PLA2G4D: variants seen among roughly 807,000 people sequenced by gnomAD.
PLA2G4D encodes the protein cytosolic phospholipase A2 delta.
Under a neutral mutation model 94.4 loss-of-function variants are expected in PLA2G4D, and 80 were observed. The ratio of observed to expected loss-of-function variants is 0.85; its 90% CI spans 0.71 to 1.02. The LOEUF is 1.02. Ranked by LOEUF, PLA2G4D falls within the 50% of genes least tolerant of loss-of-function variation. PLA2G4D has a pLI of 0.00. For missense variants in PLA2G4D, 1,050 were observed against 1,034.7 expected (o/e 1.01, Z -0.20); for synonymous variants, 438 against 440.9 (o/e 0.99, Z 0.08).
chr15:42,071,202 G>A lies in PLA2G4D; in HGVS notation c.1797C>T (p.His599=). 6.2e-7 allele frequency: 1 copy of A among 1,613,452 alleles called. No individual in the cohort carries two copies. Residue 599 remains histidine (H), a synonymous_variant, in exon 17 of 20, where the codon CAC becomes CAT. Coordinates refer to ENST00000290472, the MANE Select transcript of PLA2G4D (RefSeq NM_178034.4). ...FKGFLTGRPL[H]QRSPNFLQGL... ...CCTGGAGGAAGTTGGGGCTGCGCTG[G>A]TGGAGGGGCCTGCCTGTCAGGAAGC... is the stretch of plus-strand genomic sequence containing the variant.
chr15:42,086,194 T>TGGGGGGGGGGGGGGGGGGGGGGGGG lies in PLA2G4D; in HGVS notation c.387+18_387+19insCCCCCCCCCCCCCCCCCCCCCCCCC. 1 of 1,370,444 alleles carries TGGGGGGGGGGGGGGGGGGGGGGGGG rather than the reference T, an allele frequency of 7.3e-7. No individual in the cohort carries two copies. Among genetic ancestry groups the TGGGGGGGGGGGGGGGGGGGGGGGGG allele is most frequent in the Non-Finnish European group, 9.6e-7 (1 of 1,043,084 alleles). 84.9% of individuals were successfully genotyped at this position (1,370,444 alleles called of 1,614,324 possible). On this transcript the variant is annotated intron_variant, in intron 4 of 19. Coordinates refer to ENST00000290472, the MANE Select transcript of PLA2G4D (RefSeq NM_178034.4). Reference sequence around the variant, plus strand: ...GGAAGAAGTGGGGCCCACGGGGACTTCCCCACCCACCCACCCACCTGGGGA... The same window carrying TGGGGGGGGGGGGGGGGGGGGGGGGG: ...GGAAGAAGTGGGGCCCACGGGGACTTGGGGGGGGGGGGGGGGGGGGGGGGGCCCCACCCACCCACCCACCTGGGGA...
Position 42,081,483 on chromosome 15 carries a change from T to G in PLA2G4D, c.953A>C (p.Asp318Ala). The change falls in exon 11 of 20, where the codon GAT becomes GCT. Residue 318 changes from aspartate to alanine, a missense_variant. Coordinates refer to ENST00000290472, the MANE Select transcript of PLA2G4D (RefSeq NM_178034.4). ...ALQLDRDLQE[D>A]EVPVVGIMAT... ...CATCCCTCTGCACCCCCAGACCTCA[T>G]CCTCCTGCAGGTCTCTGTCCAGCTG... The G allele has an allele frequency of 6.2e-7, 1 of 1,613,654 alleles. No homozygotes were observed. Among genetic ancestry groups the G allele is most frequent in the Non-Finnish European group, 8.5e-7 (1 of 1,179,752 alleles).
At position 42,084,250 on chromosome 15, in the gene PLA2G4D, G is replaced by A. The variant is rs555484162; in HGVS notation, c.472-471C>T. Among the ~76,000 whole-genome samples, 3 of 152,176 alleles carry A rather than the reference G, an allele frequency of 2.0e-5. No individual in the cohort carries two copies. The highest frequency in any genetic ancestry group is 1.3e-4 in the Admixed American group (2 of 15,304). Reference sequence around the variant, plus strand: ...GGGACAATGACAAGGCCAGGCCCCCGTGGCCTTGCCAAGGGAGCCTCTGCA... The same window carrying A: ...GGGACAATGACAAGGCCAGGCCCCCATGGCCTTGCCAAGGGAGCCTCTGCA... On this transcript the variant is annotated intron_variant, in intron 6 of 19. Transcript: ENST00000290472. This position sits in a 1 kb window ranked among gnomAD's most constrained non-coding sequence, Gnocchi z 4.8.
chr15:42,080,490 G>A (rs1185626867), intron 12 of PLA2G4D, among the ~76,000 whole-genome samples: 1 of 152,150 alleles, frequency 6.6e-6, no homozygotes. Context: ...AGTCTTAAAT[G>A]GACAATAAGG....
Position 42,085,195 on chromosome 15 carries a change from G to A in PLA2G4D, c.429-57C>T, listed in dbSNP as rs370658450. The A allele has an allele frequency of 5.2e-5, 83 of 1,597,250 alleles. No homozygotes were observed. The African/African-American group carries it at 8.6e-4, about 16-fold the overall frequency. Reference sequence around the variant, plus strand: ...CTTCCTGCATTGACCTCCCGCTCCCGCCCATGTGGGGTCTCCCTGGGTGAT... The same window carrying A: ...CTTCCTGCATTGACCTCCCGCTCCCACCCATGTGGGGTCTCCCTGGGTGAT... On this transcript the variant is annotated intron_variant, in intron 5 of 19. Transcript: ENST00000290472.
chr15:42,082,800 TG>T (rs1341857967), intron 8 of PLA2G4D, among the ~76,000 whole-genome samples: 1 of 152,008 alleles, frequency 6.6e-6, no homozygotes, highest in African/African-American at 2.4e-5. Context: ...GGAAGCCAGC[TG>T]GGGACAGGAG....
At chr15:42,074,251 A>T (rs1382487205) in intron 13 of PLA2G4D, among the ~76,000 whole-genome samples, 1 of 151,992 alleles carries the variant, frequency 6.6e-6, no homozygotes, top group Non-Finnish European at 1.5e-5. Flanking sequence ...CTGCGGCAGG[A>T]CTCTCAGTCT....
At chr15:42,073,173 A>G (rs1293945484) in intron 13 of PLA2G4D, among the ~76,000 whole-genome samples, 1 of 151,996 alleles carries the variant, frequency 6.6e-6, no homozygotes, top group Admixed American at 6.6e-5. Context: ...TAATTTTTGC[A>G]TGTTTTGTAG....
rs1277590382 is a variant in PLA2G4D, at chr15:42,070,033, G to A, written c.2106C>T (p.Pro702=). 1.3e-6 allele frequency: 2 copies of A among 1,519,288 alleles called. No homozygotes were observed. The highest frequency in any genetic ancestry group is 2.2e-5 in the Admixed American group (1 of 46,032). 94.1% of individuals were successfully genotyped at this position (1,519,288 alleles called of 1,614,324 possible). ...ARGLPFPRVE[P]SPQDQHQPRE... is the part of the protein sequence containing the mutation. ...TTGGCTGGTGCTGGTCCTGAGGGCT[G>A]GGTTCCACCCGGGGGAAGGGCAGCC... The change falls in exon 19 of 20, where the codon CCC becomes CCT. Residue 702 remains proline, a synonymous_variant. Coordinates refer to ENST00000290472, the MANE Select transcript of PLA2G4D (RefSeq NM_178034.4).
chr15:42,090,711 C>T (rs1392021495), intron 1 of PLA2G4D, among the ~76,000 whole-genome samples: 1 of 152,120 alleles, frequency 6.6e-6, no homozygotes, highest in African/African-American at 2.4e-5. Flanking sequence ...GCTCCCAAAT[C>T]GCTGACACTT....
intron 1 of PLA2G4D, 114 bp downstream of exon 1, chr15:42,094,301 C>T (rs562278761): frequency 6.4e-6 from 8 of 1,247,206 alleles, no homozygotes; most frequent in Admixed American, 5.6e-5. Context: ...CAGACTCCCT[C>T]GCCCTCTGGC....
rs1261118629 is a variant in PLA2G4D at position 42,070,875 on chromosome 15, G to A, written c.1885C>T (p.Leu629Phe). 6.2e-7 allele frequency: 1 copy of A among 1,611,522 alleles called. No homozygotes were observed. Residue 629 changes from leucine (L) to phenylalanine (F), a missense_variant, in exon 18 of 20, where the codon CTT (leucine) becomes TTT (phenylalanine). Coordinates refer to ENST00000290472, the MANE Select transcript of PLA2G4D (RefSeq NM_178034.4). The part of the protein sequence containing the change: ...KDFSTWADYQ[L>F]DSMPSQLTPK... ...GTCAGCTGGCTGGGCATGGAGTCAA[G>A]CTGGTAGTCTGGTGGGAATCGCAGG... is the stretch of plus-strand genomic sequence containing the variant.
rs934296874 is a variant in PLA2G4D at position 42,070,069 on chromosome 15, G to T, written c.2070C>A (p.Cys690Ter). The T allele has an allele frequency of 1.3e-6, 2 of 1,522,080 alleles. No homozygotes were observed. Among genetic ancestry groups the T allele is most frequent in the Admixed American group, 2.1e-5 (1 of 47,140 alleles). The allele number at this position is 1,522,080 out of a possible 1,614,324, so 94.3% of individuals were successfully genotyped here. A position where few individuals can be genotyped will look rare whatever the true frequency, so the allele number is the denominator to read the frequency against. ...FEALQQTELY[C>*]RARGLPFPRV... ...GGGGGAAGGGCAGCCCCCGGGCCCGGCAGTACAGCTCCGTCTGCTGCAGTG... is the reference window on the plus strand; with the variant it reads ...GGGGGAAGGGCAGCCCCCGGGCCCGTCAGTACAGCTCCGTCTGCTGCAGTG... Residue 690 changes from cysteine (C) to a stop codon, truncating the protein, a stop_gained, in exon 19 of 20, where the codon TGC becomes TGA. Coordinates refer to ENST00000290472, the MANE Select transcript of PLA2G4D (RefSeq NM_178034.4). LOFTEE classifies it high-confidence loss of function.
In PLA2G4D at chr15:42,081,003, G is replaced by C; in HGVS notation, c.1088C>G (p.Ser363Cys). 6.2e-7 allele frequency: 1 copy of C among 1,613,880 alleles called. No homozygotes were observed. The highest frequency in any genetic ancestry group is 8.5e-7 in the Non-Finnish European group (1 of 1,179,874). ...CVTYFSGISG[S>C]TWTMAHLYGD... ...AGTCCCCCAGGATCCTCACCACGTA[G>C]AGCCAGAGATGCCACTGAAGTAGGT... Residue 363 changes from serine (S) to cysteine (C), a missense_variant, in exon 12 of 20, where the codon TCT (serine) becomes TGT (cysteine). Physicochemically the swap from Ser to Cys is moderately radical, Grantham distance 112. Coordinates refer to ENST00000290472, the MANE Select transcript of PLA2G4D (RefSeq NM_178034.4).
chr15:42,069,856 G>C, intron 19 of PLA2G4D, 53 bp downstream of exon 19: 2 of 1,328,604 alleles, frequency 1.5e-6, no homozygotes, highest in Non-Finnish European at 2.0e-6. Context: ...GGGGGCCCAG[G>C]GCAGGCCTCT....
rs1890025403 is a variant in PLA2G4D at position 42,081,044 on chromosome 15, G to A, written c.1047C>T (p.Gly349=). The part of the protein sequence containing the change: ...YGHLLALQKL[G]LLDCVTYFSG... ...TGAAGTAGGTCACACAGTCTAGGAG[G>A]CCCAGCTTCTGCAAGGCCAATAGGT... Residue 349 remains glycine (G), a synonymous_variant, in exon 12 of 20, where the codon GGC becomes GGT. Coordinates refer to ENST00000290472, the MANE Select transcript of PLA2G4D (RefSeq NM_178034.4). 1.2e-6 allele frequency: 2 copies of A among 1,614,164 alleles called. No individual in the cohort carries two copies.
chr15:42,069,499 T>C (rs1456268285), intron 19 of PLA2G4D, among the ~76,000 whole-genome samples: 1 of 151,958 alleles, frequency 6.6e-6, no homozygotes, highest in East Asian at 1.9e-4. Flanking sequence ...AGGAATGTGA[T>C]GGGGGTTTAA....
chr15:42,077,782 A>G (rs1205814404), intron 13 of PLA2G4D, among the ~76,000 whole-genome samples: 1 of 152,276 alleles, frequency 6.6e-6, no homozygotes, highest in African/African-American at 2.4e-5. Flanking sequence ...CGCCCATAAC[A>G]TAAGCAGGAA....
intron 5 of PLA2G4D, 85 bp from the exon 6 acceptor site, chr15:42,085,223 T>C: frequency 3.3e-6 from 5 of 1,495,970 alleles, no homozygotes; most frequent in Non-Finnish European, 4.7e-6. Context: ...TGGGTGATGC[T>C]GAGGGCTCTG....
Sources: gnomAD v4.1 joint callset for allele counts (sites outside exome capture counted in the v4.1 genomes callset) on GRCh38, gnomAD v4.1.1 for gene constraint, Gnocchi (gnomAD v3.1) non-coding constraint, MANE v1.5 for transcripts, NCBI Gene and HGNC (gene_info 2026-07-23, HGNC 2026-07-21) for gene names.